Variants in SORCS2 observed in about 807,000 individuals in gnomAD.
SORCS2 encodes VPS10 domain-containing receptor SorCS2.
SORCS2 carries 100 observed loss-of-function variants against 141.6 expected under a neutral mutation model. The ratio of observed to expected loss-of-function variants is 0.71; its 90% CI spans 0.60 to 0.83. The LOEUF is 0.83. SORCS2 is among the 40% of genes least tolerant of loss of function. The pLI is 0.00. For missense variants in SORCS2, 1,646 were observed against 1,560.2 expected (o/e 1.05, Z -0.93); for synonymous variants, 789 against 676.9 (o/e 1.17, Z -2.57).
intron 1 of SORCS2, among the ~76,000 whole-genome samples, chr4:7,196,325 T>C (rs1379731698): frequency 6.6e-6 from 1 of 152,148 alleles, no homozygotes; most frequent in Admixed American, 6.5e-5. Flanking sequence ...TATTTGAAGG[T>C]GGATAAATAT....
chr4:7,527,873 T>C (rs1733794188), intron 2 of SORCS2, among the ~76,000 whole-genome samples: 1 of 152,136 alleles, frequency 6.6e-6, no homozygotes, highest in South Asian at 2.1e-4. Context: ...AGTGCTGGAT[T>C]AGACCTGGCA....
intron 2 of SORCS2, among the ~76,000 whole-genome samples, chr4:7,493,778 C>G (rs1032819299): frequency 6.6e-6 from 1 of 152,180 alleles, no homozygotes; most frequent in Non-Finnish European, 1.5e-5. Flanking sequence ...GACACCGCTG[C>G]TCAGCCTGGA....
chr4:7,332,665 G>A (rs73208484), intron 1 of SORCS2, among the ~76,000 whole-genome samples: 6,631 of 152,346 alleles, frequency 0.044, 198 homozygotes, highest in Non-Finnish European at 0.07. Flanking sequence ...CTGTCTAGAG[G>A]CAGATGGGGA....
chr4:7,699,787 G>A (rs911402408), intron 12 of SORCS2, among the ~76,000 whole-genome samples: 12 of 152,188 alleles, frequency 7.9e-5, no homozygotes, highest in African/African-American at 2.2e-4. Flanking sequence ...TGCTGTCCTG[G>A]TGAGGGAGAC....
At chr4:7,325,086 G>A (rs944367265) in intron 1 of SORCS2, among the ~76,000 whole-genome samples, 3 of 152,228 alleles carry the variant, frequency 2.0e-5, no homozygotes, top group Non-Finnish European at 4.4e-5. Context: ...CTGAGTGCAC[G>A]CACCAAGCTC....
At chr4:7,387,830 GCAC>G (rs1560241985) in intron 1 of SORCS2, among the ~76,000 whole-genome samples, 16 of 47,526 alleles carry the variant, frequency 3.4e-4, no homozygotes, top group East Asian at 3.5e-3. Flanking sequence ...AGATACACAT[GCAC>G]ATACATACAC....
intron 3 of SORCS2, among the ~76,000 whole-genome samples, chr4:7,593,395 T>C (rs1257423875): frequency 6.6e-6 from 1 of 152,128 alleles, no homozygotes. Flanking sequence ...GTTGCAGTCT[T>C]CATTGGAAAG....
chr4:7,592,232 A>G (rs1294236435), intron 3 of SORCS2, among the ~76,000 whole-genome samples: 1 of 151,840 alleles, frequency 6.6e-6, no homozygotes, highest in East Asian at 1.9e-4. Flanking sequence ...ACTTTCATCC[A>G]CAGCTGCTGC....
At chr4:7,562,860 A>G (rs1714698733) in intron 3 of SORCS2, among the ~76,000 whole-genome samples, 1 of 152,112 alleles carries the variant, frequency 6.6e-6, no homozygotes, top group Non-Finnish European at 1.5e-5. Flanking sequence ...TGTTTGTCCA[A>G]GTTTCCTGCT....
intron 1 of SORCS2, among the ~76,000 whole-genome samples, chr4:7,256,436 C>T (rs1003962785): frequency 1.3e-5 from 2 of 152,264 alleles, no homozygotes; most frequent in African/African-American, 2.4e-5. Context: ...CACCTCTGGC[C>T]GAGACTTGGC....
intron 1 of SORCS2, among the ~76,000 whole-genome samples, chr4:7,394,032 A>G (rs955824209): frequency 1.3e-5 from 2 of 150,916 alleles, no homozygotes; most frequent in African/African-American, 4.9e-5. Flanking sequence ...TTCCTGGGCG[A>G]CCTCCTTGTT....
At chr4:7,236,726 C>G (rs147402870) in intron 1 of SORCS2, among the ~76,000 whole-genome samples, 3,896 of 152,244 alleles carry the variant, frequency 0.026, 151 homozygotes, top group African/African-American at 0.083. Context: ...GGACTACAGG[C>G]ACGTGCCACC....
At chr4:7,323,099 C>A (rs574762417) in intron 1 of SORCS2, among the ~76,000 whole-genome samples, 1 of 152,286 alleles carries the variant, frequency 6.6e-6, no homozygotes, top group African/African-American at 2.4e-5. Context: ...GCAATGGGGT[C>A]AAATATTATT....
At chr4:7,618,046 A>G (rs1474095447) in intron 3 of SORCS2, among the ~76,000 whole-genome samples, 1 of 151,632 alleles carries the variant, frequency 6.6e-6, no homozygotes, top group Non-Finnish European at 1.5e-5. Context: ...CTGATGCCCC[A>G]ATCAAAGTCC....
intron 2 of SORCS2, among the ~76,000 whole-genome samples, chr4:7,417,013 T>G (rs778031315): frequency 2.0e-5 from 3 of 152,200 alleles, no homozygotes; most frequent in Non-Finnish European, 4.4e-5. Context: ...CGGGGTCTCC[T>G]GCTCTTTGCA....
chr4:7,487,027 C>T (rs930224854), intron 2 of SORCS2, among the ~76,000 whole-genome samples: 1 of 152,242 alleles, frequency 6.6e-6, no homozygotes, highest in Non-Finnish European at 1.5e-5. Flanking sequence ...TTGCAGGCTG[C>T]CTGTCTACGG....
At chr4:7,460,787 C>T (rs557250761) in intron 2 of SORCS2, among the ~76,000 whole-genome samples, 7 of 152,274 alleles carry the variant, frequency 4.6e-5, no homozygotes, top group East Asian at 3.9e-4. Context: ...TCAGCGGTCA[C>T]GTGACAGCTC....
intron 2 of SORCS2, among the ~76,000 whole-genome samples, chr4:7,501,487 T>C (rs377749611): frequency 4.7e-5 from 7 of 148,782 alleles, no homozygotes; most frequent in Admixed American, 2.7e-4. Context: ...ATGATCCAGT[T>C]CCAGGGCGAA....
At chr4:7,581,381 A>G (rs975857838) in intron 3 of SORCS2, among the ~76,000 whole-genome samples, 1 of 152,210 alleles carries the variant, frequency 6.6e-6, no homozygotes, top group Non-Finnish European at 1.5e-5. Flanking sequence ...ATATAAGGAA[A>G]TGAGCATGCT....
Sources: gnomAD v4.1 joint callset for allele counts (sites outside exome capture counted in the v4.1 genomes callset) on GRCh38, gnomAD v4.1.1 for gene constraint, MANE v1.5 for transcripts, NCBI Gene and HGNC (gene_info 2026-07-23, HGNC 2026-07-21) for gene names.